CDH12: variants seen among roughly 807,000 people sequenced by gnomAD.
The protein encoded by CDH12 is cadherin 12.
In CDH12, 41 loss-of-function variants were observed where a neutral mutation model predicts 74.1. The ratio of observed to expected loss-of-function variants is 0.55; its 90% confidence interval spans 0.43 to 0.72. CDH12 has a LOEUF of 0.72. CDH12 is among the 30% of genes least tolerant of loss of function. The pLI is 0.00. For synonymous variants in CDH12, 399 were observed against 355.0 expected, an observed-to-expected ratio of 1.12 and a Z score of -1.39; for missense variants, 945 against 977.2, an observed-to-expected ratio of 0.97 and a Z score of 0.44.
At chr5:22,674,251 C>T (rs1323039051) in intron 1 of CDH12, among the ~76,000 whole-genome samples, 1 of 152,146 alleles carries the variant, frequency 6.6e-6, no homozygotes, top group Non-Finnish European at 1.5e-5. Context: ...GTAATTGAAT[C>T]ATAGGGGCAG....
chr5:22,033,353 C>T (rs1161746496), intron 5 of CDH12, among the ~76,000 whole-genome samples: 1 of 152,132 alleles, frequency 6.6e-6, no homozygotes, highest in African/African-American at 2.4e-5. Flanking sequence ...ACAGCAATTA[C>T]CTAGCCCTGG....
chr5:22,128,144 TC>T (rs1347588967), intron 4 of CDH12, among the ~76,000 whole-genome samples: 2 of 152,294 alleles, frequency 1.3e-5, no homozygotes, highest in African/African-American at 4.8e-5. Flanking sequence ...TGGGATTCAC[TC>T]TTGAGTTGGA....
rs1321626894 is a variant in CDH12, at chr5:22,813,020, G to A, written c.-523+40038C>T. 2.0e-5 allele frequency among the ~76,000 whole-genome samples: 3 copies of A among 152,036 alleles called. No homozygotes were observed. The South Asian group carries it at 6.2e-4, about 31-fold the overall frequency. Reference sequence around the variant, plus strand: ...CTGACCTAGCTGGGAACTGGTTTAGGAATAGCAAATAAGACAACAATTCAG... The same window carrying A: ...CTGACCTAGCTGGGAACTGGTTTAGAAATAGCAAATAAGACAACAATTCAG... On this transcript the variant is annotated intron_variant, in intron 1 of 14. Transcript: ENST00000382254.
At chr5:22,421,146 G>C (rs1418293615) in intron 2 of CDH12, among the ~76,000 whole-genome samples, 1 of 152,116 alleles carries the variant, frequency 6.6e-6, no homozygotes, top group African/African-American at 2.4e-5. Flanking sequence ...AACAGAGACA[G>C]TTTGACTTCC....
At chr5:22,651,848 C>G (rs1160795441) in intron 1 of CDH12, among the ~76,000 whole-genome samples, 1 of 151,832 alleles carries the variant, frequency 6.6e-6, no homozygotes. Context: ...CTTAATATAT[C>G]TGTTTTTTAA....
At chr5:21,934,795 C>CTT (rs200526888) in intron 6 of CDH12, among the ~76,000 whole-genome samples, 4 of 150,554 alleles carry the variant, frequency 2.7e-5, no homozygotes, top group African/African-American at 9.8e-5. Flanking sequence ...TCCTTTTCTC[C>CTT]TTTTTTTTTG....
chr5:22,237,245 C>A (rs535381493), intron 3 of CDH12, among the ~76,000 whole-genome samples: 12 of 152,172 alleles, frequency 7.9e-5, no homozygotes, highest in Non-Finnish European at 1.3e-4. Context: ...TCATTAACTG[C>A]AATGTTGTTA....
chr5:22,454,197 C>T (rs947155800), intron 2 of CDH12, among the ~76,000 whole-genome samples: 23 of 152,162 alleles, frequency 1.5e-4, no homozygotes, highest in African/African-American at 5.3e-4. Flanking sequence ...CAAAAATCTT[C>T]ATTAGCTTTC....
At chr5:22,126,368 A>G (rs1745870893) in intron 4 of CDH12, among the ~76,000 whole-genome samples, 1 of 152,130 alleles carries the variant, frequency 6.6e-6, no homozygotes, top group Non-Finnish European at 1.5e-5. Flanking sequence ...TTCTGCTATT[A>G]GATATTATGA....
At chr5:22,083,336 CAGT>C (rs1423488011) in intron 4 of CDH12, among the ~76,000 whole-genome samples, 1 of 152,228 alleles carries the variant, frequency 6.6e-6, no homozygotes, top group East Asian at 1.9e-4. Flanking sequence ...ATGTTAATAA[CAGT>C]AATAACAGTA....
intron 1 of CDH12, among the ~76,000 whole-genome samples, chr5:22,626,931 A>G (rs571933709): frequency 6.6e-6 from 1 of 152,376 alleles, no homozygotes; most frequent in African/African-American, 2.4e-5. Flanking sequence ...AACTTAAAAA[A>G]AACACTGTAA....
intron 5 of CDH12, among the ~76,000 whole-genome samples, chr5:22,077,047 AGT>A (rs5866546): frequency 0.031 from 4,591 of 149,088 alleles, 134 homozygotes; most frequent in African/African-American, 0.08. Context: ...GCTTAATGGC[AGT>A]GTGTGTGTGT....
chr5:22,801,672 TATATATATATATAC>T (rs1477513321), intron 1 of CDH12, among the ~76,000 whole-genome samples: 1,162 of 113,096 alleles, frequency 0.01, 21 homozygotes, highest in East Asian at 0.025. Context: ...TATATATATA[TATATATATATATAC>T]ACTTTGTTTA....
At chr5:22,086,109 C>T (rs1311110107) in intron 4 of CDH12, among the ~76,000 whole-genome samples, 1 of 152,132 alleles carries the variant, frequency 6.6e-6, no homozygotes, top group Admixed American at 6.6e-5. Flanking sequence ...TTAACACTCA[C>T]TCTTTTGTTT....
intron 1 of CDH12, among the ~76,000 whole-genome samples, chr5:22,567,890 A>G (rs1280844557): frequency 6.6e-6 from 1 of 152,174 alleles, no homozygotes; most frequent in African/African-American, 2.4e-5. Context: ...GCATATTTTG[A>G]CTTATTTTTG....
intron 1 of CDH12, among the ~76,000 whole-genome samples, chr5:22,615,546 G>A (rs1406060780): frequency 6.6e-6 from 1 of 152,046 alleles, no homozygotes; most frequent in African/African-American, 2.4e-5. Flanking sequence ...TGCTCTTCAA[G>A]ATCCCTGTCA....
intron 3 of CDH12, among the ~76,000 whole-genome samples, chr5:22,251,811 A>G (rs922648832): frequency 5.3e-5 from 8 of 152,262 alleles, no homozygotes; most frequent in African/African-American, 1.9e-4. Flanking sequence ...GGAAAGTATT[A>G]CTTACACGAA....
intron 3 of CDH12, among the ~76,000 whole-genome samples, chr5:22,311,303 C>T (rs1464024748): frequency 6.6e-6 from 1 of 152,138 alleles, no homozygotes; most frequent in East Asian, 1.9e-4. Flanking sequence ...CATGAATTTA[C>T]ATTAAAATAA....
At chr5:22,279,224 G>A (rs1736768442) in intron 3 of CDH12, among the ~76,000 whole-genome samples, 1 of 152,086 alleles carries the variant, frequency 6.6e-6, no homozygotes, top group African/African-American at 2.4e-5. Flanking sequence ...AGAGTTTATT[G>A]AAGGTTTTAG....
Sources: allele counts gnomAD v4.1 joint callset (sites outside exome capture counted in the v4.1 genomes callset), GRCh38; gene constraint gnomAD v4.1.1; transcripts MANE v1.5; gene names NCBI Gene and HGNC (gene_info 2026-07-23, HGNC 2026-07-21).